MAN2A1: variants seen among roughly 807,000 people sequenced by gnomAD.
MAN2A1 encodes alpha-mannosidase 2.
In MAN2A1, 76 loss-of-function variants were observed where a neutral mutation model predicts 142.6. That is an observed-to-expected ratio of 0.53 (90% CI 0.44 to 0.65). The LOEUF (loss-of-function observed/expected upper bound fraction) is 0.65. Among genes scored for constraint, MAN2A1 ranks in the 30% least tolerant of loss-of-function variants. The pLI, the probability that MAN2A1 is intolerant of heterozygous loss-of-function variation, is 0.00. For synonymous variants in MAN2A1, 559 were observed against 473.2 expected, an observed-to-expected ratio of 1.18 and a Z score of -2.35; for missense variants, 1,311 against 1,365.1, an observed-to-expected ratio of 0.96 and a Z score of 0.62.
At chr5:109,715,655 A>G in intron 2 of MAN2A1, among the ~76,000 whole-genome samples, 1 of 152,160 alleles carries the variant, frequency 6.6e-6, no homozygotes, top group Admixed American at 6.5e-5. Flanking sequence ...CTATAGATAG[A>G]TATATTTTTG....
chr5:109,741,414 A>C (rs190330525), intron 4 of MAN2A1, among the ~76,000 whole-genome samples: 102 of 152,322 alleles, frequency 6.7e-4, no homozygotes, highest in African/African-American at 2.5e-3. Flanking sequence ...TAGATATTTA[A>C]GTTTGCTCCT....
intron 17 of MAN2A1, 36 bp from the exon 18 acceptor site, chr5:109,845,829 A>G (rs1755329665): frequency 4.5e-6 from 7 of 1,572,098 alleles, no homozygotes; most frequent in Non-Finnish European, 6.0e-6. Flanking sequence ...ATATGTAAAT[A>G]TCACTTTTTG....
chr5:109,783,216 C>G (rs1023182242), intron 9 of MAN2A1, among the ~76,000 whole-genome samples: 3 of 152,004 alleles, frequency 2.0e-5, no homozygotes, highest in African/African-American at 7.2e-5. Flanking sequence ...TTGGAAAATC[C>G]TGCTGCATTA....
At chr5:109,721,588 A>G (rs372747455) in intron 3 of MAN2A1, among the ~76,000 whole-genome samples, 3 of 152,198 alleles carry the variant, frequency 2.0e-5, no homozygotes, top group African/African-American at 7.2e-5. Flanking sequence ...AATTGTTAAG[A>G]AAATTGTAGC....
At chr5:109,801,831 T>G (rs1264251668) in intron 12 of MAN2A1, among the ~76,000 whole-genome samples, 4 of 152,010 alleles carry the variant, frequency 2.6e-5, no homozygotes, top group Non-Finnish European at 5.9e-5. Context: ...AAAACATAAT[T>G]AGATGCTGCA....
intron 12 of MAN2A1, among the ~76,000 whole-genome samples, chr5:109,798,955 G>A (rs1462630992): frequency 1.8e-4 from 27 of 152,114 alleles, no homozygotes; most frequent in Admixed American, 1.6e-3. Context: ...GCCTCCAAAA[G>A]TGCTGGGATT....
chr5:109,691,867 C>T (rs965250169), intron 1 of MAN2A1, among the ~76,000 whole-genome samples: 2 of 152,146 alleles, frequency 1.3e-5, no homozygotes, highest in East Asian at 3.8e-4. Flanking sequence ...TTGTCCAGTG[C>T]TTCTTGATGA....
chr5:109,860,743 A>G (rs1755734342), intron 20 of MAN2A1, among the ~76,000 whole-genome samples: 1 of 152,206 alleles, frequency 6.6e-6, no homozygotes, highest in African/African-American at 2.4e-5. Context: ...AATTTTCAGA[A>G]TGGCTCAAAT....
intron 3 of MAN2A1, among the ~76,000 whole-genome samples, chr5:109,721,164 A>C (rs1451892264): frequency 6.6e-6 from 1 of 152,248 alleles, no homozygotes; most frequent in Non-Finnish European, 1.5e-5. Flanking sequence ...GTTCAAAGTC[A>C]GTTAATTTAA....
chr5:109,792,099 C>G (rs191307706), intron 12 of MAN2A1, among the ~76,000 whole-genome samples: 1 of 152,012 alleles, frequency 6.6e-6, no homozygotes, highest in African/African-American at 2.4e-5. Flanking sequence ...CCTCCCATAA[C>G]GCATTGCCAT....
At chr5:109,780,510 C>CTGTGTGTGTGTGTGTGTG (rs113661582) in intron 8 of MAN2A1, among the ~76,000 whole-genome samples, 9 of 143,772 alleles carry the variant, frequency 6.3e-5, no homozygotes, top group African/African-American at 2.3e-4. Flanking sequence ...CTTGCAATAT[C>CTGTGTGTGTGTGTGTGTG]TGTGTGTGTG....
chr5:109,816,595 T>C (rs1398526659), intron 12 of MAN2A1, among the ~76,000 whole-genome samples: 1 of 152,192 alleles, frequency 6.6e-6, no homozygotes, highest in African/African-American at 2.4e-5. Flanking sequence ...TATATAGCCA[T>C]ACATTCTTAG....
intron 5 of MAN2A1, among the ~76,000 whole-genome samples, chr5:109,758,972 C>T (rs559854991): frequency 6.6e-6 from 1 of 152,010 alleles, no homozygotes; most frequent in South Asian, 2.1e-4. Flanking sequence ...CAGTACCGTA[C>T]TGTCTTGATT....
intron 4 of MAN2A1, among the ~76,000 whole-genome samples, chr5:109,745,648 GGTCTTT>G (rs1220047872): frequency 6.6e-6 from 1 of 151,776 alleles, no homozygotes; most frequent in Non-Finnish European, 1.5e-5. Context: ...TTAGAGACAG[GGTCTTT>G]GTCACTCAGG....
chr5:109,720,224 T>C (rs999723339), intron 3 of MAN2A1, among the ~76,000 whole-genome samples: 2 of 152,196 alleles, frequency 1.3e-5, no homozygotes, highest in Non-Finnish European at 2.9e-5. Flanking sequence ...ATTTGTGAAA[T>C]GAACATTAGA....
intron 16 of MAN2A1, among the ~76,000 whole-genome samples, chr5:109,828,909 C>T (rs910415335): frequency 6.6e-6 from 1 of 152,058 alleles, no homozygotes; most frequent in African/African-American, 2.4e-5. Context: ...CTTAGTTTTT[C>T]TCTGAGCAAT....
chr5:109,844,390 A>G (rs1030806792), intron 17 of MAN2A1, among the ~76,000 whole-genome samples: 2 of 152,190 alleles, frequency 1.3e-5, no homozygotes, highest in Admixed American at 6.5e-5. Flanking sequence ...CGATTGTGGT[A>G]GTTTTACATT....
intron 7 of MAN2A1, 81 bp downstream of exon 7, chr5:109,770,622 TG>T: frequency 7.9e-7 from 1 of 1,260,558 alleles, no homozygotes; most frequent in South Asian, 1.4e-5. Flanking sequence ...GTTGAACAAA[TG>T]GGCTTTATTA....
chr5:109,698,619 G>A (rs1750882665), intron 1 of MAN2A1, among the ~76,000 whole-genome samples: 1 of 152,188 alleles, frequency 6.6e-6, no homozygotes, highest in Non-Finnish European at 1.5e-5. Flanking sequence ...GGCCTCCTTT[G>A]CAGGTGGTGC....
Sources: gnomAD v4.1 joint callset for allele counts (sites outside exome capture counted in the v4.1 genomes callset) on GRCh38, gnomAD v4.1.1 for gene constraint, MANE v1.5 for transcripts, NCBI Gene and HGNC (gene_info 2026-07-23, HGNC 2026-07-21) for gene names.